Variants in MAP3K10 observed in about 807,000 individuals in gnomAD.
MAP3K10 encodes the protein mitogen-activated protein kinase kinase kinase 10, also known as MKN28 derived nonreceptor_type serine/threonine kinase.
Under a neutral mutation model 75.0 loss-of-function variants are expected in MAP3K10, and 22 were observed. The observed-to-expected ratio is 0.29, with a 90% CI of 0.21 to 0.42. MAP3K10 has a LOEUF of 0.42. Among genes scored for constraint, MAP3K10 ranks in the 10% least tolerant of loss-of-function variants. MAP3K10 has a pLI of 1.00. For synonymous variants in MAP3K10, 599 were observed against 612.9 expected (o/e 0.98, Z 0.34); for missense variants, 1,165 against 1,379.8 (o/e 0.84, Z 2.47).
intron 2 of MAP3K10, among the ~76,000 whole-genome samples, chr19:40,200,655 G>T (rs1972999947): frequency 8.3e-6 from 1 of 120,372 alleles, no homozygotes; most frequent in African/African-American, 3.2e-5. Context: ...GTCTCACTCT[G>T]CCGCCCAGGC....
chr19:40,198,703 G>A lies in MAP3K10; in HGVS notation c.863+148G>A. ...GGCAAGGTCAGGCCACCAGACAAGT[G>A]CCAGTTACCTGTTCAGCTAGCACAA... is the stretch of plus-strand genomic sequence containing the variant. On this transcript the variant is annotated intron_variant, in intron 2 of 9. Transcript: ENST00000253055. This position sits in a 1 kb window ranked among gnomAD's most constrained non-coding sequence, Gnocchi z 4.3. The A allele has an allele frequency of 1.4e-6, 1 of 733,520 alleles. No homozygotes were observed. Among genetic ancestry groups the A allele is most frequent in the East Asian group, 2.8e-5 (1 of 35,790 alleles). The allele number at this position is 733,520 out of a possible 1,614,324, so 45.4% of individuals were successfully genotyped here. A position where few individuals can be genotyped will look rare whatever the true frequency, so the allele number is the denominator to read the frequency against.
rs746247907 is a variant in MAP3K10 at position 40,212,981 on chromosome 19, G to A, written c.1724+5G>A. ...GCGGGTGGGAGGAGAGGAGAGGTGA[G>A]GTGTGGTGTGGTCATGCCCACCCTG... On this transcript the variant is annotated splice_donor_5th_base_variant and intron_variant, in intron 7 of 9. Coordinates refer to ENST00000253055, the MANE Select transcript of MAP3K10 (RefSeq NM_002446.4). The surrounding 1 kb of genome is among the most constrained non-coding windows in gnomAD (Gnocchi z 4.2). 32 of 1,597,524 alleles carry A rather than the reference G, an allele frequency of 2.0e-5. No homozygotes were observed. The highest frequency in any genetic ancestry group is 2.6e-5 in the Non-Finnish European group (31 of 1,171,412).
intron 1 of MAP3K10, among the ~76,000 whole-genome samples, chr19:40,197,471 G>A (rs1285238260): frequency 6.6e-6 from 1 of 152,046 alleles, no homozygotes; most frequent in Non-Finnish European, 1.5e-5. Context: ...GATTACAGGT[G>A]AGCACCATGA....
At chr19:40,208,211 A>G in intron 5 of MAP3K10, among the ~76,000 whole-genome samples, 1 of 151,560 alleles carries the variant, frequency 6.6e-6, no homozygotes. Context: ...TCGCTCTGTC[A>G]CCCAGGCTGG....
chr19:40,214,076 G>A lies in MAP3K10; in HGVS notation c.2397G>A (p.Leu799=), dbSNP rs1258398662. The stretch of plus-strand genomic sequence containing the variant: ...CCAACCCCCTGGTGGACCTGGAGCT[G>A]GAGAGCTTCAAGAAGGACCCCCGCC... The part of the protein sequence containing the change: ...PSTNPLVDLE[L]ESFKKDPRQS... Residue 799 remains leucine, a synonymous_variant, in exon 9 of 10, where the codon CTG becomes CTA. Coordinates refer to ENST00000253055, the MANE Select transcript of MAP3K10 (RefSeq NM_002446.4). 2 of 1,553,938 alleles carry A rather than the reference G, an allele frequency of 1.3e-6. No individual in the cohort carries two copies. Among genetic ancestry groups the A allele is most frequent in the African/African-American group, 1.4e-5 (1 of 72,478 alleles).
At position 40,205,369 on chromosome 19, in the gene MAP3K10, C is replaced by A; in HGVS notation, c.1188+73C>A. On this transcript the variant is annotated intron_variant, in intron 4 of 9. Transcript: ENST00000253055. This position sits in a 1 kb window ranked among gnomAD's most constrained non-coding sequence, Gnocchi z 4.3. ...TCTGATGCCTTGGGCTGCTCAGAGACTCCTCCCCTGAACCCCAGCCTTTGG... is the reference window on the plus strand; with the variant it reads ...TCTGATGCCTTGGGCTGCTCAGAGAATCCTCCCCTGAACCCCAGCCTTTGG... 1 of 1,513,908 alleles carries A rather than the reference C, an allele frequency of 6.6e-7. No homozygotes were observed. The highest frequency in any genetic ancestry group is 9.1e-7 in the Non-Finnish European group (1 of 1,101,962). The allele number at this position is 1,513,908 out of a possible 1,614,324, so 93.8% of individuals were successfully genotyped here. A position where few individuals can be genotyped will look rare whatever the true frequency, so the allele number is the denominator to read the frequency against.
intron 2 of MAP3K10, among the ~76,000 whole-genome samples, chr19:40,201,838 G>A (rs1230704752): frequency 7.5e-6 from 1 of 134,148 alleles, no homozygotes; most frequent in Non-Finnish European, 1.6e-5. Context: ...TGGGATACAT[G>A]TGCAGAACGT....
At position 40,192,121 on chromosome 19, in the gene MAP3K10, G is replaced by T. The variant is rs1260038616; in HGVS notation, c.90G>T (p.Ala30=). ...CCGCGGTGTTCGACTACGAGGCGGCGGGCGACGAGGAGCTGACCCTGCGGA... is the reference window on the plus strand; with the variant it reads ...CCGCGGTGTTCGACTACGAGGCGGCTGGCGACGAGGAGCTGACCCTGCGGA... ...VWTAVFDYEA[A]GDEELTLRRG... The change falls in exon 1 of 10, where the codon GCG becomes GCT. Residue 30 remains alanine, a synonymous_variant. Coordinates refer to ENST00000253055, the MANE Select transcript of MAP3K10 (RefSeq NM_002446.4). This position sits in a 1 kb window ranked among gnomAD's most constrained non-coding sequence, Gnocchi z 7.1. 7 of 1,573,270 alleles carry T rather than the reference G, an allele frequency of 4.4e-6. No individual in the cohort carries two copies. In the Admixed American group the frequency reaches 1.1e-4, roughly 25 times the overall value.
Position 40,203,185 on chromosome 19 carries a change from C to T in MAP3K10, c.864-1300C>T, listed in dbSNP as rs142060733. On this transcript the variant is annotated intron_variant, in intron 2 of 9. Transcript: ENST00000253055. Reference sequence around the variant, plus strand: ...TGAAACCCCATCTCTACTAAAAATACACAAATTAGCTGGGATGGTGGTGCA... The same window carrying T: ...TGAAACCCCATCTCTACTAAAAATATACAAATTAGCTGGGATGGTGGTGCA... Among the ~76,000 whole-genome samples the T allele has an allele frequency of 6.3e-3, 964 of 152,088 alleles. 12 individuals carry two copies. The highest frequency in any genetic ancestry group is 0.022 in the African/African-American group (910 of 41,480).
Position 40,213,175 on chromosome 19 carries a change from C to T in MAP3K10, c.1824C>T (p.Ser608=). 1 of 1,579,756 alleles carries T rather than the reference C, an allele frequency of 6.3e-7. No homozygotes were observed. The highest frequency in any genetic ancestry group is 8.6e-7 in the Non-Finnish European group (1 of 1,163,504). The change falls in exon 8 of 10, where the codon AGC becomes AGT. Residue 608 remains serine, a synonymous_variant. Transcript: ENST00000253055. The surrounding 1 kb of genome is among the most constrained non-coding windows in gnomAD (Gnocchi z 5.7). ...CACCCATCGCCCCTGGCTTTGCCAG[C>T]CTCAATGAGATGGGTAAGAGCCTGG... ...KHTPIAPGFA[S]LNEMEEFAEA...
chr19:40,203,567 C>T (rs1973064606), intron 2 of MAP3K10, among the ~76,000 whole-genome samples: 1 of 152,192 alleles, frequency 6.6e-6, no homozygotes, highest in East Asian at 1.9e-4. Context: ...AGTGTGGCTC[C>T]ACCACTCACT....
chr19:40,213,527 G>T lies in MAP3K10; in HGVS notation c.1848G>T (p.Ala616=). The change falls in exon 9 of 10, where the codon GCG becomes GCT. Residue 616 remains alanine, a synonymous_variant. Coordinates refer to ENST00000253055, the MANE Select transcript of MAP3K10 (RefSeq NM_002446.4). This position sits in a 1 kb window ranked among gnomAD's most constrained non-coding sequence, Gnocchi z 5.7. ...CCTCTCCGGTTGCAGAGGAGTTCGC[G>T]GAGGCAGAGGATGGAGGCAGCAGCG... is the stretch of plus-strand genomic sequence containing the variant. ...FASLNEMEEF[A]EAEDGGSSVP... The T allele has an allele frequency of 6.2e-6, 10 of 1,611,988 alleles. No homozygotes were observed. Among genetic ancestry groups the T allele is most frequent in the Non-Finnish European group, 8.5e-6 (10 of 1,179,426 alleles).
chr19:40,191,898 G>T lies in MAP3K10; in HGVS notation c.-134G>T. 1 of 476,942 alleles carries T rather than the reference G, an allele frequency of 2.1e-6. No individual in the cohort carries two copies. Among genetic ancestry groups the T allele is most frequent in the East Asian group, 3.5e-5 (1 of 28,308 alleles). The allele number at this position is 476,942 out of a possible 1,614,324, so 29.5% of individuals were successfully genotyped here. A position where few individuals can be genotyped will look rare whatever the true frequency, so the allele number is the denominator to read the frequency against. On this transcript the variant is annotated 5_prime_UTR_variant, in exon 1 of 10. Coordinates refer to ENST00000253055, the MANE Select transcript of MAP3K10 (RefSeq NM_002446.4). Reference sequence around the variant, plus strand: ...TTTTTTTCTTGCTCCTGCGGAGGGCGCCCCAGCCATGGCCCTCAGGAGCTC... The same window carrying T: ...TTTTTTTCTTGCTCCTGCGGAGGGCTCCCCAGCCATGGCCCTCAGGAGCTC...
chr19:40,208,359 TTTTTTTTTTTG>T (rs1214434888), intron 5 of MAP3K10, among the ~76,000 whole-genome samples: 3 of 113,706 alleles, frequency 2.6e-5, no homozygotes, highest in East Asian at 4.5e-4. Flanking sequence ...TTTTTTTTTT[TTTTTTTTTTTG>T]TATTTTTAGT....
chr19:40,199,451 A>G (rs1205002145), intron 2 of MAP3K10, among the ~76,000 whole-genome samples: 1 of 152,228 alleles, frequency 6.6e-6, no homozygotes, highest in African/African-American at 2.4e-5. Context: ...AATCTGAGAA[A>G]TGATACTTCA....
intron 1 of MAP3K10, among the ~76,000 whole-genome samples, chr19:40,195,954 A>G (rs1200983183): frequency 6.6e-6 from 1 of 152,240 alleles, no homozygotes; most frequent in Admixed American, 6.5e-5. Flanking sequence ...GGAATGGCAA[A>G]AAGAAAAGTG....
chr19:40,215,417 A>C lies in MAP3K10; in HGVS notation c.*125A>C. The C allele has an allele frequency of 1.2e-6, 1 of 834,238 alleles. No individual in the cohort carries two copies. Among genetic ancestry groups the C allele is most frequent in the Non-Finnish European group, 1.8e-6 (1 of 550,398 alleles). 51.7% of individuals were successfully genotyped at this position (834,238 alleles called of 1,614,324 possible). A position where few individuals can be genotyped will look rare whatever the true frequency, so the allele number is the denominator to read the frequency against. On this transcript the variant is annotated 3_prime_UTR_variant, in exon 10 of 10. Transcript: ENST00000253055. ...TGTTCACTCTATTTATTGGGGAAGG[A>C]GGGAGGGGGGGGACACTTAACTTAT... is the stretch of plus-strand genomic sequence containing the variant.
chr19:40,194,374 CAT>C (rs986318796), intron 1 of MAP3K10, among the ~76,000 whole-genome samples: 7 of 151,990 alleles, frequency 4.6e-5, no homozygotes, highest in Non-Finnish European at 7.4e-5. Context: ...AAAAAGCTAA[CAT>C]GTGACCACGA....
chr19:40,213,913 C>G lies in MAP3K10; in HGVS notation c.2234C>G (p.Thr745Ser), dbSNP rs1268429501. ...GGCCTGGGCCTGGCGCCCTCGGCCA[C>G]CCTCGTGTCGCTGTCGTCCGTGTCC... ...GPGLGLAPSA[T>S]LVSLSSVSDC... The change falls in exon 9 of 10, where the codon ACC (threonine) becomes AGC (serine). Residue 745 changes from threonine to serine, a missense_variant. Thr to Ser is a moderately conservative substitution (Grantham distance 58). This residue lies in a region of MAP3K10 where 590 missense variants were observed against 586.6 expected (regional missense o/e 1.01). Transcript: ENST00000253055. This position sits in a 1 kb window ranked among gnomAD's most constrained non-coding sequence, Gnocchi z 5.7. The G allele has an allele frequency of 2.0e-6, 3 of 1,516,744 alleles. No individual in the cohort carries two copies. Among genetic ancestry groups the G allele is most frequent in the African/African-American group, 1.4e-5 (1 of 69,710 alleles). 94.0% of individuals were successfully genotyped at this position (1,516,744 alleles called of 1,614,324 possible).
Sources: allele counts gnomAD v4.1 joint callset (sites outside exome capture counted in the v4.1 genomes callset), GRCh38; gene constraint gnomAD v4.1.1; regional missense constraint gnomAD v4.1.1; non-coding constraint Gnocchi (gnomAD v3.1); transcripts MANE v1.5; gene names NCBI Gene and HGNC (gene_info 2026-07-23, HGNC 2026-07-21).